LDB2: variants seen among roughly 807,000 people sequenced by gnomAD.
LDB2 encodes the protein LIM domain binding 2.
A neutral mutation model predicts 44.3 loss-of-function variants in LDB2; 12 were observed. The observed-to-expected ratio is 0.27, with a 90% CI of 0.17 to 0.44. The LOEUF (loss-of-function observed/expected upper bound fraction) is 0.44. Among genes scored for constraint, LDB2 ranks in the 20% least tolerant of loss-of-function variants. The pLI, the probability that LDB2 is intolerant of heterozygous loss-of-function variation, is 1.00. For synonymous variants in LDB2, 164 were observed against 174.8 expected, an observed-to-expected ratio of 0.94 and a Z score of 0.49; for missense variants, 344 against 473.5, an observed-to-expected ratio of 0.73 and a Z score of 2.54.
chr4:16,812,599 T>TAC (rs1436455208), intron 1 of LDB2, among the ~76,000 whole-genome samples: 24 of 137,446 alleles, frequency 1.7e-4, no homozygotes, highest in African/African-American at 6.5e-4. Context: ...TATATATATA[T>TAC]ATATATATAT....
intron 5 of LDB2, among the ~76,000 whole-genome samples, chr4:16,563,325 T>G (rs1041768038): frequency 8.6e-5 from 13 of 151,030 alleles, no homozygotes; most frequent in Admixed American, 8.6e-4. Flanking sequence ...TTTTTTGTAT[T>G]AAAAACCTCC....
At chr4:16,675,315 A>G (rs986788418) in intron 2 of LDB2, among the ~76,000 whole-genome samples, 2 of 152,220 alleles carry the variant, frequency 1.3e-5, no homozygotes, top group Non-Finnish European at 2.9e-5. Flanking sequence ...ATGCAATTTT[A>G]TCACATGCGC....
At chr4:16,830,798 G>C (rs771674070) in intron 1 of LDB2, among the ~76,000 whole-genome samples, 13 of 152,196 alleles carry the variant, frequency 8.5e-5, no homozygotes, top group Non-Finnish European at 1.6e-4. Flanking sequence ...GGTCCAAGGA[G>C]TGTCATTTCA....
chr4:16,602,004 T>C (rs1040209497), intron 2 of LDB2, among the ~76,000 whole-genome samples: 1 of 152,202 alleles, frequency 6.6e-6, no homozygotes, highest in Non-Finnish European at 1.5e-5. Flanking sequence ...GCAAGTCGAA[T>C]TAATTAATTA....
intron 2 of LDB2, among the ~76,000 whole-genome samples, chr4:16,672,060 C>T (rs1172194027): frequency 6.6e-6 from 1 of 152,136 alleles, no homozygotes; most frequent in East Asian, 1.9e-4. Context: ...CTGGTAATAA[C>T]AACAGCAACC....
intron 2 of LDB2, among the ~76,000 whole-genome samples, chr4:16,725,436 C>T (rs1253092724): frequency 2.6e-5 from 4 of 152,106 alleles, no homozygotes; most frequent in Non-Finnish European, 4.4e-5. Context: ...CCCAGGAAGA[C>T]AACCTGCCAT....
At position 16,684,212 on chromosome 4, in the gene LDB2, C is replaced by T. The variant is rs532607699; in HGVS notation, c.235+74946G>A. Among the ~76,000 whole-genome samples, 5 of 152,298 alleles carry T rather than the reference C, an allele frequency of 3.3e-5. No homozygotes were observed. In the South Asian group the frequency reaches 1.0e-3, roughly 32 times the overall value. On this transcript the variant is annotated intron_variant, in intron 2 of 7. Coordinates refer to ENST00000304523, the MANE Select transcript of LDB2 (RefSeq NM_001290.5). Reference sequence around the variant, plus strand: ...CTTTTACATCAGCAACTAATTTCTGCTCTATCTGTTTTTAGTGACGTGATA... The same window carrying T: ...CTTTTACATCAGCAACTAATTTCTGTTCTATCTGTTTTTAGTGACGTGATA...
chr4:16,656,546 T>C (rs1739907094), intron 2 of LDB2, among the ~76,000 whole-genome samples: 1 of 152,244 alleles, frequency 6.6e-6, no homozygotes, highest in Admixed American at 6.5e-5. Context: ...TAAAGTTAAA[T>C]TTAAAAACGG....
chr4:16,609,354 G>C (rs911716961), intron 2 of LDB2, among the ~76,000 whole-genome samples: 1 of 149,030 alleles, frequency 6.7e-6, no homozygotes, highest in Non-Finnish European at 1.5e-5. Context: ...GAGGGGGCGG[G>C]GGGGGGAGGG....
chr4:16,663,050 G>C (rs893471441), intron 2 of LDB2, among the ~76,000 whole-genome samples: 2 of 151,816 alleles, frequency 1.3e-5, no homozygotes, highest in Non-Finnish European at 2.9e-5. Flanking sequence ...TTGTTTCCTG[G>C]GGTCAAAGAA....
At chr4:16,843,032 C>T (rs762864030) in intron 1 of LDB2, among the ~76,000 whole-genome samples, 2 of 152,150 alleles carry the variant, frequency 1.3e-5, no homozygotes, top group African/African-American at 4.8e-5. Context: ...AGTCTTACCA[C>T]GCAGCCATTT....
chr4:16,592,487 TATATATATATATATATATAC>T (rs1199219210), intron 3 of LDB2, among the ~76,000 whole-genome samples: 2 of 134,546 alleles, frequency 1.5e-5, no homozygotes, highest in African/African-American at 5.5e-5. Context: ...TATATATATA[TATATATATATATATATATAC>T]ACACACACAC....
At position 16,648,974 on chromosome 4, in the gene LDB2, A is replaced by T. The variant is rs542338504; in HGVS notation, c.236-53099T>A. On this transcript the variant is annotated intron_variant, in intron 2 of 7. Coordinates refer to ENST00000304523, the MANE Select transcript of LDB2 (RefSeq NM_001290.5). The stretch of plus-strand genomic sequence containing the variant: ...GAAGCCAATAATTTGATTTTTTTTT[A>T]AAAGTCAGAAATTATAGACAGTCAC... Among the ~76,000 whole-genome samples, 80 of 152,264 alleles carry T rather than the reference A, an allele frequency of 5.3e-4. 1 individual carries two copies. The highest frequency in any genetic ancestry group is 1.0e-3 in the South Asian group (5 of 4,822).
At chr4:16,606,958 G>A (rs1724121203) in intron 2 of LDB2, among the ~76,000 whole-genome samples, 1 of 152,170 alleles carries the variant, frequency 6.6e-6, no homozygotes, top group Non-Finnish European at 1.5e-5. Context: ...CCTAAACCAG[G>A]AATCATCAAC....
chr4:16,851,913 G>A (rs1276925376), intron 1 of LDB2, among the ~76,000 whole-genome samples: 1 of 152,230 alleles, frequency 6.6e-6, no homozygotes, highest in Admixed American at 6.5e-5. Flanking sequence ...GTGGACAAGT[G>A]CGTAGCAGCC....
At position 16,710,280 on chromosome 4, in the gene LDB2, C is replaced by A. The variant is rs368273935; in HGVS notation, c.235+48878G>T. Among the ~76,000 whole-genome samples the A allele has an allele frequency of 8.7e-4, 133 of 152,232 alleles. 2 individuals carry two copies. The South Asian group carries it at 0.025, about 29-fold the overall frequency. On this transcript the variant is annotated intron_variant, in intron 2 of 7. Coordinates refer to ENST00000304523, the MANE Select transcript of LDB2 (RefSeq NM_001290.5). ...TTGTTCTCCACATGTTCTCTCCTGGCCTGTGAGGAAAAGAAGGGATGGCCA... is the reference window on the plus strand; with the variant it reads ...TTGTTCTCCACATGTTCTCTCCTGGACTGTGAGGAAAAGAAGGGATGGCCA...
intron 5 of LDB2, among the ~76,000 whole-genome samples, chr4:16,552,555 C>A (rs113900669): frequency 6.6e-6 from 1 of 152,018 alleles, no homozygotes; most frequent in African/African-American, 2.4e-5. Flanking sequence ...TCTAAAATGA[C>A]GCTTATTACT....
chr4:16,777,840 G>C (rs569208568), intron 1 of LDB2, among the ~76,000 whole-genome samples: 4 of 152,322 alleles, frequency 2.6e-5, no homozygotes, highest in African/African-American at 9.6e-5. Flanking sequence ...AACTCTGTTA[G>C]TCTTGATTCA....
intron 5 of LDB2, among the ~76,000 whole-genome samples, chr4:16,547,953 TTG>T (rs1283184150): frequency 2.0e-5 from 3 of 151,274 alleles, no homozygotes; most frequent in East Asian, 2.1e-4. Context: ...TTCTTTTTTT[TTG>T]TTTGTTTTTT....
Sources: allele counts gnomAD v4.1 joint callset (sites outside exome capture counted in the v4.1 genomes callset), GRCh38; gene constraint gnomAD v4.1.1; transcripts MANE v1.5; gene names NCBI Gene and HGNC (gene_info 2026-07-23, HGNC 2026-07-21).